Variants in RAB39A observed in about 807,000 individuals in gnomAD.
RAB39A encodes the protein RAB39A, member RAS oncogene family.
Under a neutral mutation model 20.9 loss-of-function variants are expected in RAB39A, and 17 were observed. That is an observed-to-expected ratio of 0.81 (90% CI 0.56 to 1.22). The LOEUF (loss-of-function observed/expected upper bound fraction) is 1.22. Ranked by LOEUF, RAB39A falls within the 50% of genes most tolerant of loss-of-function variation. The pLI is 0.00. For synonymous variants in RAB39A, 99 were observed against 103.4 expected, an observed-to-expected ratio of 0.96 and a Z score of 0.26; for missense variants, 234 against 270.5, an observed-to-expected ratio of 0.87 and a Z score of 0.95.
chr11:107,941,009 C>G (rs1410550384), intron 1 of RAB39A, among the ~76,000 whole-genome samples: 1 of 151,888 alleles, frequency 6.6e-6, no homozygotes, highest in African/African-American at 2.4e-5. Flanking sequence ...TCTACCTGTC[C>G]TATTATAAGT....
At chr11:107,939,243 CAAAAAAAAAA>C (rs138488479) in intron 1 of RAB39A, among the ~76,000 whole-genome samples, 3 of 68,570 alleles carry the variant, frequency 4.4e-5, no homozygotes, top group African/African-American at 1.7e-4. Context: ...GACTCTGTCT[CAAAAAAAAAA>C]AAAAAAAAAA....
chr11:107,961,881 T>C, intron 1 of RAB39A, 65 bp from the exon 2 acceptor site: 2 of 1,234,486 alleles, frequency 1.6e-6, no homozygotes, highest in Non-Finnish European at 1.1e-6. Flanking sequence ...TGGTGCTAGA[T>C]TGTTGGAAGG....
intron 1 of RAB39A, among the ~76,000 whole-genome samples, chr11:107,934,708 C>T (rs1861175425): frequency 6.7e-6 from 1 of 148,352 alleles, no homozygotes; most frequent in African/African-American, 2.5e-5. Flanking sequence ...GAGTGGATCA[C>T]CTGAAGTCAG....
intron 1 of RAB39A, among the ~76,000 whole-genome samples, chr11:107,957,836 C>A (rs1367407247): frequency 6.6e-6 from 1 of 152,114 alleles, no homozygotes. Context: ...TCCCTCCATT[C>A]CCTGACCCCA....
chr11:107,947,259 G>A (rs534862467), intron 1 of RAB39A, among the ~76,000 whole-genome samples: 7 of 151,980 alleles, frequency 4.6e-5, no homozygotes, highest in African/African-American at 9.6e-5. Flanking sequence ...CCGCCACCAC[G>A]CCCGGCTAAT....
rs35694249 is a variant in RAB39A, at chr11:107,947,807, CAAAAAAAAAAAAAA to C, written c.228-14129_228-14116del. Among the ~76,000 whole-genome samples the C allele has an allele frequency of 6.2e-5, 5 of 80,222 alleles. No homozygotes were observed. The East Asian group carries it at 1.9e-3, about 31-fold the overall frequency. 52.6% of individuals were successfully genotyped at this position (80,222 alleles called of 152,430 possible). A position where few individuals can be genotyped will look rare whatever the true frequency, so the allele number is the denominator to read the frequency against. Reference sequence around the variant, plus strand: ...CTGAGAAAGGAACAGCATCAACAGGCAAAAAAAAAAAAAAAAAAAAAAAGAATAAAAATCTGAGC... The same window carrying C: ...CTGAGAAAGGAACAGCATCAACAGGCAAAAAAAAAGAATAAAAATCTGAGC... On this transcript the variant is annotated intron_variant, in intron 1 of 1. Coordinates refer to ENST00000320578, the MANE Select transcript of RAB39A (RefSeq NM_017516.3).
At position 107,928,559 on chromosome 11, in the gene RAB39A, C is replaced by A; in HGVS notation, c.-10C>A. The A allele has an allele frequency of 6.9e-7, 1 of 1,459,598 alleles. No individual in the cohort carries two copies. The highest frequency in any genetic ancestry group is 9.2e-7 in the Non-Finnish European group (1 of 1,086,300). 90.4% of individuals were successfully genotyped at this position (1,459,598 alleles called of 1,614,324 possible). A position where few individuals can be genotyped will look rare whatever the true frequency, so the allele number is the denominator to read the frequency against. ...TGGGGCGGCCCGGGAGCCAGCGGGG[C>A]ACGTGAGCGATGGAGACCATCTGGA... On this transcript the variant is annotated 5_prime_UTR_variant, in exon 1 of 2. Transcript: ENST00000320578. This position sits in a 1 kb window ranked among gnomAD's most constrained non-coding sequence, Gnocchi z 4.9.
chr11:107,933,373 C>CTT (rs1448676152), intron 1 of RAB39A, among the ~76,000 whole-genome samples: 6 of 47,142 alleles, frequency 1.3e-4, no homozygotes, highest in African/African-American at 3.6e-4. Flanking sequence ...CTTTTTTATT[C>CTT]TTTCTTTTTT....
Position 107,962,582 on chromosome 11 carries a change from C to T in RAB39A, c.*210C>T, listed in dbSNP as rs532324072. On this transcript the variant is annotated 3_prime_UTR_variant, in exon 2 of 2. Coordinates refer to ENST00000320578, the MANE Select transcript of RAB39A (RefSeq NM_017516.3). Reference sequence around the variant, plus strand: ...TTGCTAAATTACCAAGCAAAGCAGACAATCTTTTTCTTGAAATTACCTCCA... The same window carrying T: ...TTGCTAAATTACCAAGCAAAGCAGATAATCTTTTTCTTGAAATTACCTCCA... 2 of 447,272 alleles carry T rather than the reference C, an allele frequency of 4.5e-6. No homozygotes were observed. Among genetic ancestry groups the T allele is most frequent in the East Asian group, 3.3e-5 (1 of 29,998 alleles). 27.7% of individuals were successfully genotyped at this position (447,272 alleles called of 1,614,324 possible). A position where few individuals can be genotyped will look rare whatever the true frequency, so the allele number is the denominator to read the frequency against.
chr11:107,932,959 C>T (rs1014136847), intron 1 of RAB39A, among the ~76,000 whole-genome samples: 3 of 152,090 alleles, frequency 2.0e-5, no homozygotes, highest in African/African-American at 7.2e-5. Flanking sequence ...AATCTGCCTA[C>T]CTCAGCCTCC....
At position 107,928,925 on chromosome 11, in the gene RAB39A, C is replaced by T; in HGVS notation, c.227+130C>T. ...CCCTTCCCTCTCGAAAGTGCAAACACTCCATTCTCGCTTCCCCTTTGCCCC... is the reference window on the plus strand; with the variant it reads ...CCCTTCCCTCTCGAAAGTGCAAACATTCCATTCTCGCTTCCCCTTTGCCCC... On this transcript the variant is annotated intron_variant, in intron 1 of 1. Coordinates refer to ENST00000320578, the MANE Select transcript of RAB39A (RefSeq NM_017516.3). This position sits in a 1 kb window ranked among gnomAD's most constrained non-coding sequence, Gnocchi z 4.9. 8.1e-6 allele frequency: 5 copies of T among 614,422 alleles called. No homozygotes were observed. Among genetic ancestry groups the T allele is most frequent in the Non-Finnish European group, 1.3e-5 (5 of 379,582 alleles). The allele number at this position is 614,422 out of a possible 1,614,324, so 38.1% of individuals were successfully genotyped here. A position where few individuals can be genotyped will look rare whatever the true frequency, so the allele number is the denominator to read the frequency against.
At chr11:107,936,061 A>T (rs1473963975) in intron 1 of RAB39A, among the ~76,000 whole-genome samples, 5 of 151,764 alleles carry the variant, frequency 3.3e-5, no homozygotes, top group African/African-American at 9.7e-5. Flanking sequence ...CACCATACTC[A>T]GCTAGTTTTT....
At chr11:107,934,929 CAA>C (rs55682157) in intron 1 of RAB39A, among the ~76,000 whole-genome samples, 2,058 of 101,654 alleles carry the variant, frequency 0.02, 15 homozygotes, top group Middle Eastern at 0.044. Flanking sequence ...GACTTCGTCT[CAA>C]AAAAAAAAAA....
rs1437479044 is a variant in RAB39A at position 107,937,472 on chromosome 11, G to T, written c.227+8677G>T. Among the ~76,000 whole-genome samples, 7 of 152,074 alleles carry T rather than the reference G, an allele frequency of 4.6e-5. No homozygotes were observed. In the East Asian group the frequency reaches 1.2e-3, roughly 25 times the overall value. ...GTTTAATAGGGAATAAATTATAAAT[G>T]ATACAGATTTCATGAAAGCAAAAGC... is the stretch of plus-strand genomic sequence containing the variant. On this transcript the variant is annotated intron_variant, in intron 1 of 1. Transcript: ENST00000320578.
chr11:107,929,647 G>A (rs921309917), intron 1 of RAB39A, among the ~76,000 whole-genome samples: 9 of 152,170 alleles, frequency 5.9e-5, no homozygotes, highest in African/African-American at 2.2e-4. Context: ...AAGACAGAAG[G>A]AGGGATCCAA....
chr11:107,929,206 C>G (rs764286579), intron 1 of RAB39A, among the ~76,000 whole-genome samples: 1 of 152,196 alleles, frequency 6.6e-6, no homozygotes, highest in Non-Finnish European at 1.5e-5. Flanking sequence ...CGCCCCTTTT[C>G]CTACCCTAAC....
intron 1 of RAB39A, among the ~76,000 whole-genome samples, chr11:107,959,383 A>G (rs1421275229): frequency 6.7e-6 from 1 of 148,766 alleles, no homozygotes; most frequent in Non-Finnish European, 1.5e-5. Flanking sequence ...TCACACATAT[A>G]AAGATGAGTG....
chr11:107,954,551 G>A (rs1436131835), intron 1 of RAB39A, among the ~76,000 whole-genome samples: 1 of 152,164 alleles, frequency 6.6e-6, no homozygotes, highest in African/African-American at 2.4e-5. Context: ...TAAACAGTGA[G>A]ATGTAGCACT....
Position 107,933,313 on chromosome 11 carries a change from A to ATG in RAB39A, c.227+4554_227+4555dup, listed in dbSNP as rs60670768. Among the ~76,000 whole-genome samples, 350 of 125,352 alleles carry ATG rather than the reference A, an allele frequency of 2.8e-3. 4 individuals carry two copies. The highest frequency in any genetic ancestry group is 9.9e-3 in the African/African-American group (323 of 32,524). The allele number at this position is 125,352 out of a possible 152,430, so 82.2% of individuals were successfully genotyped here. ...TTCCTGTGATTCTTTATATATATAT[A>ATG]TGTGTGTGTGTGTGTGTGTGTGTGT... On this transcript the variant is annotated intron_variant, in intron 1 of 1. Coordinates refer to ENST00000320578, the MANE Select transcript of RAB39A (RefSeq NM_017516.3).
Sources: gnomAD v4.1 joint callset for allele counts (sites outside exome capture counted in the v4.1 genomes callset) on GRCh38, gnomAD v4.1.1 for gene constraint, Gnocchi (gnomAD v3.1) non-coding constraint, MANE v1.5 for transcripts, NCBI Gene and HGNC (gene_info 2026-07-23, HGNC 2026-07-21) for gene names.